The following SNCAIP variants were observed in gnomAD, a reference collection of about 807,000 sequenced individuals.
SNCAIP encodes synphilin-1.
SNCAIP carries 43 observed loss-of-function variants against 86.7 expected under a neutral mutation model. The observed-to-expected ratio is 0.50, with a 90% CI of 0.39 to 0.64. SNCAIP has a LOEUF of 0.64. SNCAIP is among the 30% of genes least tolerant of loss of function. SNCAIP has a pLI of 0.00. For synonymous variants in SNCAIP, 417 were observed against 427.2 expected (o/e 0.98, Z 0.29); for missense variants, 981 against 1,103.1 (o/e 0.89, Z 1.57).
At chr5:122,401,080 T>G in intron 2 of SNCAIP, 1 of 1,550,140 alleles carries the variant, frequency 6.5e-7, no homozygotes, top group Non-Finnish European at 8.7e-7. Flanking sequence ...AGGGCCAAAC[T>G]GACAGTAGTT....
At chr5:122,460,972 ACT>A (rs763428009) in intron 10 of SNCAIP, among the ~76,000 whole-genome samples, 2 of 151,276 alleles carry the variant, frequency 1.3e-5, no homozygotes, top group Non-Finnish European at 3.0e-5. Flanking sequence ...TCCTGTTTAG[ACT>A]CTGTTTCCTG....
chr5:122,438,592 T>C (rs1278288514), intron 6 of SNCAIP, among the ~76,000 whole-genome samples: 4 of 152,252 alleles, frequency 2.6e-5, no homozygotes, highest in Non-Finnish European at 2.9e-5. Flanking sequence ...TTTAGAAGTT[T>C]GGTGCTGTTT....
chr5:122,389,933 AAG>A (rs1768990499), intron 1 of SNCAIP: 1 of 152,204 alleles, frequency 6.6e-6, no homozygotes, highest in African/African-American at 2.4e-5. Flanking sequence ...GAGCTTAAAA[AAG>A]AAAGAATGGC....
At chr5:122,322,253 A>G (rs185960924) in intron 1 of SNCAIP, among the ~76,000 whole-genome samples, 9 of 152,324 alleles carry the variant, frequency 5.9e-5, no homozygotes, top group African/African-American at 1.9e-4. Context: ...TAACCAACTA[A>G]TGTGCATGTT....
intron 2 of SNCAIP, among the ~76,000 whole-genome samples, chr5:122,393,443 G>A (rs1769868815): frequency 6.6e-6 from 1 of 152,116 alleles, no homozygotes; most frequent in Non-Finnish European, 1.5e-5. Context: ...AGCTGGTTAG[G>A]TGTATTCTGT....
intron 1 of SNCAIP, among the ~76,000 whole-genome samples, chr5:122,351,268 C>T (rs545342433): frequency 3.4e-4 from 51 of 152,058 alleles, no homozygotes; most frequent in African/African-American, 1.2e-3. Context: ...CAGGCGCGGT[C>T]GCTCACATCT....
At chr5:122,352,721 C>T (rs554862474) in intron 1 of SNCAIP, among the ~76,000 whole-genome samples, 1 of 152,250 alleles carries the variant, frequency 6.6e-6, no homozygotes, top group African/African-American at 2.4e-5. Flanking sequence ...TTCATTTCAA[C>T]CATGGATGGC....
chr5:122,411,434 C>T (rs71592594), intron 3 of SNCAIP, among the ~76,000 whole-genome samples: 13,417 of 152,178 alleles, frequency 0.088, 815 homozygotes, highest in Non-Finnish European at 0.14. Context: ...GTTATAGCAT[C>T]TCTGACAGCA....
intron 1 of SNCAIP, among the ~76,000 whole-genome samples, chr5:122,343,758 T>C (rs1193054860): frequency 6.6e-6 from 1 of 152,196 alleles, no homozygotes; most frequent in Non-Finnish European, 1.5e-5. Flanking sequence ...ACACATTAGA[T>C]GTGAGTAGCA....
chr5:122,412,050 G>A (rs769828853), intron 3 of SNCAIP, among the ~76,000 whole-genome samples: 3 of 152,106 alleles, frequency 2.0e-5, no homozygotes, highest in Non-Finnish European at 2.9e-5. Flanking sequence ...TTCCTCGCAC[G>A]CCTCCTGCCT....
At chr5:122,362,499 A>C (rs1467565824) in intron 1 of SNCAIP, among the ~76,000 whole-genome samples, 2 of 152,218 alleles carry the variant, frequency 1.3e-5, no homozygotes, top group South Asian at 4.1e-4. Context: ...AGAGCTATCT[A>C]GAGGAACTCT....
chr5:122,440,709 TGCCGTTCACGTA>T lies in SNCAIP; in HGVS notation c.1381_1392del (p.Val461_Ala464del). On this transcript the variant is annotated inframe_deletion, in exon 7 of 11. Transcript: ENST00000261368. The stretch of plus-strand genomic sequence containing the variant: ...ATGAAGTAGACCAGGATGGCAACAG[TGCCGTTCACGTA>T]GCCTCACAGCATGGCTACCTTGGAT... 1 of 1,614,074 alleles carries T rather than the reference TGCCGTTCACGTA, an allele frequency of 6.2e-7. No homozygotes were observed. The highest frequency in any genetic ancestry group is 8.5e-7 in the Non-Finnish European group (1 of 1,179,926).
intron 10 of SNCAIP, among the ~76,000 whole-genome samples, chr5:122,461,790 T>C (rs922807445): frequency 6.6e-6 from 1 of 151,934 alleles, no homozygotes; most frequent in African/African-American, 2.4e-5. Flanking sequence ...GTGATTCTTA[T>C]GCCTCAGCCT....
intron 1 of SNCAIP, among the ~76,000 whole-genome samples, chr5:122,360,252 A>T (rs1436176585): frequency 6.6e-6 from 1 of 152,202 alleles, no homozygotes. Context: ...CAAATATGTA[A>T]GAATGTTTGC....
intron 3 of SNCAIP, among the ~76,000 whole-genome samples, chr5:122,414,117 C>A (rs757577649): frequency 2.0e-4 from 31 of 152,036 alleles, no homozygotes; most frequent in South Asian, 4.2e-4. Context: ...CAGTGTTACT[C>A]AGGCTGGTCT....
intron 2 of SNCAIP, among the ~76,000 whole-genome samples, chr5:122,398,227 C>T (rs796611826): frequency 1.5e-4 from 23 of 152,174 alleles, no homozygotes; most frequent in African/African-American, 4.3e-4. Context: ...AGAAAGCCAA[C>T]GCTGAGAGTG....
At chr5:122,422,260 A>C (rs1776537229) in intron 3 of SNCAIP, among the ~76,000 whole-genome samples, 1 of 152,204 alleles carries the variant, frequency 6.6e-6, no homozygotes, top group Non-Finnish European at 1.5e-5. Context: ...TCTCTCCCAC[A>C]GTCCTTTCAA....
chr5:122,380,751 C>T (rs1228700465), intron 1 of SNCAIP, among the ~76,000 whole-genome samples: 6 of 151,126 alleles, frequency 4.0e-5, no homozygotes, highest in Non-Finnish European at 7.4e-5. Flanking sequence ...TCTTTGTTCT[C>T]GTTGGTTTCA....
At chr5:122,311,768 T>TA (rs1196270441), upstream of SNCAIP, 1 of 151,314 alleles carries the variant, frequency 6.6e-6, no homozygotes, top group Non-Finnish European at 1.5e-5. Flanking sequence ...GCAGTCGAGG[T>TA]AAAAAGAGCG....
Sources: allele counts gnomAD v4.1 joint callset (sites outside exome capture counted in the v4.1 genomes callset), GRCh38; gene constraint gnomAD v4.1.1; transcripts MANE v1.5; gene names NCBI Gene and HGNC (gene_info 2026-07-23, HGNC 2026-07-21).